Variants in MAGI1 observed in about 807,000 individuals in gnomAD.
MAGI1 encodes membrane-associated guanylate kinase, WW and PDZ domain-containing protein 1.
MAGI1 carries 58 observed loss-of-function variants against 139.9 expected under a neutral mutation model. The ratio of observed to expected loss-of-function variants is 0.41; its 90% confidence interval spans 0.34 to 0.52. The LOEUF is 0.52. Ranked by LOEUF, MAGI1 falls within the 20% of genes least tolerant of loss-of-function variation. The pLI, the probability that MAGI1 is intolerant of heterozygous loss-of-function variation, is 0.12. For synonymous variants in MAGI1, 812 were observed against 737.9 expected (o/e 1.10, Z -1.63); for missense variants, 1,874 against 1,901.6 (o/e 0.99, Z 0.27).
chr3:65,425,568 T>C (rs185851527), intron 12 of MAGI1, among the ~76,000 whole-genome samples: 11 of 152,336 alleles, frequency 7.2e-5, no homozygotes, highest in Admixed American at 5.9e-4. Context: ...AGTACCCTTC[T>C]GAAGCATATG....
intron 1 of MAGI1, among the ~76,000 whole-genome samples, chr3:65,700,790 C>G (rs1269231630): frequency 1.3e-5 from 2 of 152,166 alleles, no homozygotes; most frequent in African/African-American, 4.8e-5. Flanking sequence ...AAAAATTTCA[C>G]CAAACATCTT....
At chr3:65,539,734 T>A (rs2079125193) in intron 2 of MAGI1, among the ~76,000 whole-genome samples, 1 of 152,196 alleles carries the variant, frequency 6.6e-6, no homozygotes, top group African/African-American at 2.4e-5. Context: ...GCCTGTGCCT[T>A]TACCCACTTT....
chr3:65,753,718 A>T (rs2036345781), intron 1 of MAGI1, among the ~76,000 whole-genome samples: 1 of 150,788 alleles, frequency 6.6e-6, no homozygotes, highest in Non-Finnish European at 1.5e-5. Flanking sequence ...AAAAAAAAGT[A>T]ATCTGTACCC....
At chr3:65,676,952 G>A (rs185623408) in intron 1 of MAGI1, among the ~76,000 whole-genome samples, 49 of 152,278 alleles carry the variant, frequency 3.2e-4, no homozygotes, top group African/African-American at 1.0e-3. Context: ...TTTACCAGAT[G>A]TACTTAATTT....
chr3:65,477,215 T>C (rs1950941852), intron 4 of MAGI1, among the ~76,000 whole-genome samples: 1 of 152,246 alleles, frequency 6.6e-6, no homozygotes. Context: ...TTTATTTCCA[T>C]TTGATAAATT....
intron 13 of MAGI1, among the ~76,000 whole-genome samples, chr3:65,392,831 GA>G (rs1415742190): frequency 6.6e-6 from 1 of 152,154 alleles, no homozygotes; most frequent in East Asian, 1.9e-4. Context: ...TCAAAATTGA[GA>G]ACAATTGGAC....
chr3:65,624,648 C>T (rs541241548), intron 1 of MAGI1, among the ~76,000 whole-genome samples: 70 of 152,116 alleles, frequency 4.6e-4, no homozygotes, highest in Admixed American at 7.9e-4. Context: ...TAGGCAAAAA[C>T]TGACTGCAAA....
intron 1 of MAGI1, among the ~76,000 whole-genome samples, chr3:65,962,678 C>T (rs1334183732): frequency 6.6e-6 from 1 of 151,122 alleles, no homozygotes; most frequent in African/African-American, 2.4e-5. Flanking sequence ...CTACTAAAAA[C>T]GCTGGGCGTG....
At chr3:65,578,422 T>A (rs954130952) in intron 2 of MAGI1, among the ~76,000 whole-genome samples, 1 of 152,094 alleles carries the variant, frequency 6.6e-6, no homozygotes, top group African/African-American at 2.4e-5. Flanking sequence ...AGAGAAGATA[T>A]CAGAAAAACA....
intron 12 of MAGI1, chr3:65,402,035 T>C: frequency 1.2e-5 from 4 of 345,838 alleles, no homozygotes; most frequent in Non-Finnish European, 1.6e-5. Flanking sequence ...GGATGCTCTT[T>C]TGCCAACACA....
intron 1 of MAGI1, among the ~76,000 whole-genome samples, chr3:65,931,732 A>G (rs1002250036): frequency 3.9e-5 from 6 of 152,168 alleles, no homozygotes; most frequent in African/African-American, 1.4e-4. Flanking sequence ...GTAAAAAAAC[A>G]GTTCCGCTAT....
At chr3:65,532,790 T>C (rs554293848) in intron 2 of MAGI1, 1 of 152,216 alleles carries the variant, frequency 6.6e-6, no homozygotes, top group Non-Finnish European at 1.5e-5. Context: ...TCCTATCCTG[T>C]AAGCTGCTTT....
chr3:65,610,201 A>T (rs1055040721), intron 2 of MAGI1, among the ~76,000 whole-genome samples: 1 of 152,194 alleles, frequency 6.6e-6, no homozygotes, highest in Non-Finnish European at 1.5e-5. Context: ...GGAATGGGGT[A>T]TCTAATTCTG....
intron 1 of MAGI1, among the ~76,000 whole-genome samples, chr3:65,723,220 T>G (rs377075467): frequency 2.0e-5 from 3 of 152,164 alleles, no homozygotes; most frequent in African/African-American, 7.2e-5. Flanking sequence ...GTGAAACCCC[T>G]TGTGGCACTG....
At chr3:65,514,093 T>G (rs1301884656) in intron 2 of MAGI1, among the ~76,000 whole-genome samples, 2 of 147,648 alleles carry the variant, frequency 1.4e-5, no homozygotes, top group Admixed American at 1.4e-4. Flanking sequence ...GCTGGGAAAA[T>G]TGGCTAGCCA....
intron 1 of MAGI1, among the ~76,000 whole-genome samples, chr3:65,717,808 A>G (rs2107674501): frequency 6.6e-6 from 1 of 152,322 alleles, no homozygotes; most frequent in South Asian, 2.1e-4. Flanking sequence ...CACAGTGGCC[A>G]TGAGGATGGA....
intron 1 of MAGI1, among the ~76,000 whole-genome samples, chr3:65,693,540 T>A (rs2088865297): frequency 6.6e-6 from 1 of 152,086 alleles, no homozygotes; most frequent in African/African-American, 2.4e-5. Context: ...ATGCCCACAA[T>A]CATAATTTCC....
In MAGI1 at chr3:65,841,389, TTTTC is replaced by T. The variant is rs565083656; in HGVS notation, c.313+196603_313+196606del. ...CAAACTGTTATTTGAAATTTTCCTC[TTTTC>T]TTTCTTTCTTTGTTTTTTTGTTTTG... On this transcript the variant is annotated intron_variant, in intron 1 of 22. Transcript: ENST00000402939. Among the ~76,000 whole-genome samples the T allele has an allele frequency of 3.0e-3, 458 of 152,056 alleles. 2 individuals carry two copies. The highest frequency in any genetic ancestry group is 0.01 in the Middle Eastern group (3 of 294).
intron 17 of MAGI1, 63 bp from the exon 18 acceptor site, chr3:65,376,008 A>T: frequency 8.7e-7 from 1 of 1,149,234 alleles, no homozygotes; most frequent in Non-Finnish European, 1.3e-6. Context: ...AGGGAAGAGA[A>T]AAAGGGTTGA....
Sources: gnomAD v4.1 joint callset for allele counts (sites outside exome capture counted in the v4.1 genomes callset) on GRCh38, gnomAD v4.1.1 for gene constraint, MANE v1.5 for transcripts, NCBI Gene and HGNC (gene_info 2026-07-23, HGNC 2026-07-21) for gene names.